Variants in MAPK9 observed in about 807,000 individuals in gnomAD.
MAPK9 encodes the protein mitogen-activated protein kinase 9, also known as Jun kinase.
In MAPK9, 30 loss-of-function variants were observed where a neutral mutation model predicts 57.1. The ratio of observed to expected loss-of-function variants is 0.53; its 90% CI spans 0.39 to 0.71. MAPK9 has a LOEUF of 0.71. Ranked by LOEUF, MAPK9 falls within the 30% of genes least tolerant of loss-of-function variation. The pLI is 0.00. For missense variants in MAPK9, 362 were observed against 521.0 expected (o/e 0.69, Z 2.97); for synonymous variants, 155 against 177.0 (o/e 0.88, Z 0.99).
At chr5:180,270,271 T>C (rs938261636) in intron 2 of MAPK9, among the ~76,000 whole-genome samples, 16 of 152,240 alleles carry the variant, frequency 1.1e-4, no homozygotes, top group African/African-American at 3.6e-4. Context: ...TAACATTGTT[T>C]ACATTTATTC....
At chr5:180,273,141 G>T (rs1761499180) in intron 2 of MAPK9, among the ~76,000 whole-genome samples, 1 of 152,156 alleles carries the variant, frequency 6.6e-6, no homozygotes, top group Admixed American at 6.5e-5. Context: ...ATGAATAACG[G>T]CATTGAGCAC....
chr5:180,270,720 G>A (rs1050943026), intron 2 of MAPK9, among the ~76,000 whole-genome samples: 1 of 152,054 alleles, frequency 6.6e-6, no homozygotes, highest in African/African-American at 2.4e-5. Context: ...GTGTGGTGGT[G>A]CATGTCTGTA....
intron 3 of MAPK9, 51 bp downstream of exon 3, chr5:180,269,226 TACC>T (rs1761018464): frequency 5.8e-6 from 9 of 1,559,004 alleles, no homozygotes; most frequent in Non-Finnish European, 7.1e-6. Flanking sequence ...CCCTGAAGAT[TACC>T]ACATTATTGA....
intron 3 of MAPK9, among the ~76,000 whole-genome samples, chr5:180,267,512 A>C (rs1456222499): frequency 6.9e-6 from 1 of 145,064 alleles, no homozygotes; most frequent in Non-Finnish European, 1.5e-5. Context: ...CAGTGAGCTG[A>C]GATCGCGCCA....
chr5:180,255,386 G>A (rs368142550), intron 5 of MAPK9, among the ~76,000 whole-genome samples: 2 of 152,014 alleles, frequency 1.3e-5, no homozygotes, highest in African/African-American at 2.4e-5. Flanking sequence ...CAGCCCCTTC[G>A]AGCAGGTGCA....
In MAPK9 at chr5:180,278,312, T is replaced by C. The variant is rs568039059; in HGVS notation, c.122+2128A>G. The stretch of plus-strand genomic sequence containing the variant: ...CCAGTGAGGGTTATGGCAGAGCTCA[T>C]GGTGATTCTACAATATACACTATTC... On this transcript the variant is annotated intron_variant, in intron 2 of 11. Transcript: ENST00000452135. Among the ~76,000 whole-genome samples, 21 of 152,368 alleles carry C rather than the reference T, an allele frequency of 1.4e-4. No homozygotes were observed. In the East Asian group the frequency reaches 3.5e-3, roughly 25 times the overall value.
chr5:180,262,687 C>T (rs1336014138), intron 4 of MAPK9, among the ~76,000 whole-genome samples: 2 of 152,106 alleles, frequency 1.3e-5, no homozygotes, highest in African/African-American at 4.8e-5. Flanking sequence ...CCGCCCACCT[C>T]GGGCCTTCCA....
At position 180,262,577 on chromosome 5, in the gene MAPK9, A is replaced by G. The variant is rs2127596572; in HGVS notation, c.312-755T>C. Among the ~76,000 whole-genome samples, 2 of 151,688 alleles carry G rather than the reference A, an allele frequency of 1.3e-5. 1 individual carries two copies. Among genetic ancestry groups the G allele is most frequent in the South Asian group, 4.2e-4 (2 of 4,782 alleles). On this transcript the variant is annotated intron_variant, in intron 4 of 11. Transcript: ENST00000452135. ...CAGAACTGAAAATTAAATTAAAAAA[A>G]AAAAACAGCCATCATGCCTGGATAG...
intron 2 of MAPK9, among the ~76,000 whole-genome samples, chr5:180,278,808 T>C (rs1437845010): frequency 6.6e-6 from 1 of 152,004 alleles, no homozygotes; most frequent in African/African-American, 2.4e-5. Context: ...TCTCTCTCTC[T>C]CTCGCATGCA....
At chr5:180,276,877 T>C (rs1176180879) in intron 2 of MAPK9, among the ~76,000 whole-genome samples, 1 of 152,176 alleles carries the variant, frequency 6.6e-6, no homozygotes, top group African/African-American at 2.4e-5. Flanking sequence ...TATTTTAAAA[T>C]TTAAAAACTT....
chr5:180,267,926 T>C (rs551101584), intron 3 of MAPK9, among the ~76,000 whole-genome samples: 84 of 152,112 alleles, frequency 5.5e-4, no homozygotes, highest in South Asian at 2.1e-4. Flanking sequence ...GCAGTGGTGC[T>C]ATCTCAGCTC....
At chr5:180,245,202 G>A (rs889119774) in intron 7 of MAPK9, among the ~76,000 whole-genome samples, 3 of 152,148 alleles carry the variant, frequency 2.0e-5, no homozygotes, top group African/African-American at 7.2e-5. Context: ...AAATTCCACT[G>A]TCTAACAGAC....
At chr5:180,261,430 A>G (rs1007151546) in intron 5 of MAPK9, among the ~76,000 whole-genome samples, 1 of 152,250 alleles carries the variant, frequency 6.6e-6, no homozygotes, top group African/African-American at 2.4e-5. Context: ...TGAAAAGTTT[A>G]AAACAATGTA....
At chr5:180,260,649 A>C (rs902681140) in intron 5 of MAPK9, among the ~76,000 whole-genome samples, 1 of 152,234 alleles carries the variant, frequency 6.6e-6, no homozygotes, top group Non-Finnish European at 1.5e-5. Flanking sequence ...CAGTTAATAC[A>C]AAATTTTGTC....
chr5:180,287,416 A>T (rs1021863346), intron 1 of MAPK9, among the ~76,000 whole-genome samples: 9 of 152,188 alleles, frequency 5.9e-5, no homozygotes, highest in African/African-American at 2.2e-4. Flanking sequence ...CAAAATATGG[A>T]AAGAAAAAAG....
chr5:180,279,549 T>C (rs1203125110), intron 2 of MAPK9, among the ~76,000 whole-genome samples: 3 of 152,100 alleles, frequency 2.0e-5, no homozygotes, highest in Non-Finnish European at 4.4e-5. Flanking sequence ...TACAAGGAAA[T>C]GTAAACTACC....
At chr5:180,277,788 G>A (rs1270152062) in intron 2 of MAPK9, among the ~76,000 whole-genome samples, 2 of 152,126 alleles carry the variant, frequency 1.3e-5, no homozygotes, top group African/African-American at 2.4e-5. Flanking sequence ...GGAAAAGCAA[G>A]CTTTTTTTTC....
chr5:180,262,040 A>G (rs2127596025), intron 4 of MAPK9, among the ~76,000 whole-genome samples: 1 of 152,292 alleles, frequency 6.6e-6, no homozygotes, highest in African/African-American at 2.4e-5. Flanking sequence ...ACAACCTTTT[A>G]TAGCATGGTA....
chr5:180,248,718 C>T (rs2127582482), intron 6 of MAPK9, among the ~76,000 whole-genome samples: 1 of 152,314 alleles, frequency 6.6e-6, no homozygotes, highest in South Asian at 2.1e-4. Flanking sequence ...GATTTGCACA[C>T]TTGGCTATAG....
Sources: gnomAD v4.1 joint callset for allele counts (sites outside exome capture counted in the v4.1 genomes callset) on GRCh38, gnomAD v4.1.1 for gene constraint, MANE v1.5 for transcripts, NCBI Gene and HGNC (gene_info 2026-07-23, HGNC 2026-07-21) for gene names.